Variants in LNPK observed in about 807,000 individuals in gnomAD.
The protein encoded by LNPK is endoplasmic reticulum junction formation protein lunapark.
In LNPK, 29 loss-of-function variants were observed where a neutral mutation model predicts 55.2. The observed-to-expected ratio is 0.53, with a 90% CI of 0.39 to 0.72. The LOEUF is 0.72. LNPK is among the 30% of genes least tolerant of loss of function. The pLI is 0.00. For synonymous variants in LNPK, 162 were observed against 168.2 expected, an observed-to-expected ratio of 0.96 and a Z score of 0.29; for missense variants, 467 against 494.8, an observed-to-expected ratio of 0.94 and a Z score of 0.53.
At chr2:175,933,688 A>T (rs891129916) in intron 12 of LNPK, among the ~76,000 whole-genome samples, 1 of 151,592 alleles carries the variant, frequency 6.6e-6, no homozygotes, top group African/African-American at 2.4e-5. Flanking sequence ...AATACCATTT[A>T]ATTATTTACC....
chr2:175,929,197 A>G lies in LNPK; in HGVS notation c.*770T>C, dbSNP rs187158949. On this transcript the variant is annotated 3_prime_UTR_variant, in exon 13 of 13. Coordinates refer to ENST00000272748, the MANE Select transcript of LNPK (RefSeq NM_030650.3). The stretch of plus-strand genomic sequence containing the variant: ...ATTCACTTATATATCATCATTTTAT[A>G]CTTATAAATAATGCTCAGAATTCAA... 6 of 958,650 alleles carry G rather than the reference A, an allele frequency of 6.3e-6. No individual in the cohort carries two copies. In the East Asian group the frequency reaches 6.9e-4, roughly 110 times the overall value. The allele number at this position is 958,650 out of a possible 1,614,324, so 59.4% of individuals were successfully genotyped here.
chr2:175,944,629 T>A (rs192026095), intron 9 of LNPK, among the ~76,000 whole-genome samples: 5 of 152,194 alleles, frequency 3.3e-5, no homozygotes, highest in African/African-American at 9.6e-5. Flanking sequence ...CATGGAGACT[T>A]CATAGAAGAC....
chr2:175,995,249 A>G (rs916663644), intron 2 of LNPK, among the ~76,000 whole-genome samples: 5 of 152,104 alleles, frequency 3.3e-5, no homozygotes, highest in Admixed American at 1.3e-4. Flanking sequence ...TACCTTTCAA[A>G]TAAGCTTGAA....
At chr2:175,941,904 C>G (rs1308049004) in intron 9 of LNPK, among the ~76,000 whole-genome samples, 2 of 146,322 alleles carry the variant, frequency 1.4e-5, no homozygotes, top group African/African-American at 5.0e-5. Context: ...CAGCAGACTT[C>G]TCATCAGAAA....
At chr2:175,932,068 G>T in intron 12 of LNPK, 1 of 400,418 alleles carries the variant, frequency 2.5e-6, no homozygotes, top group Non-Finnish European at 5.0e-6. Context: ...AAAAAGCTAA[G>T]AATCCAGGAT....
intron 9 of LNPK, among the ~76,000 whole-genome samples, chr2:175,940,541 G>C (rs915566509): frequency 6.6e-6 from 1 of 152,050 alleles, no homozygotes; most frequent in Admixed American, 6.6e-5. Flanking sequence ...CAGGCCATTA[G>C]GTAAAGTATT....
intron 5 of LNPK, among the ~76,000 whole-genome samples, chr2:175,976,779 C>T (rs1686931111): frequency 6.6e-6 from 1 of 152,204 alleles, no homozygotes; most frequent in Non-Finnish European, 1.5e-5. Context: ...CACTTACTGG[C>T]TCTCTTGGTT....
Position 175,942,181 on chromosome 2 carries a change from G to C in LNPK, c.707-2524C>G, listed in dbSNP as rs1574820305. Among the ~76,000 whole-genome samples the C allele has an allele frequency of 5.3e-5, 8 of 152,154 alleles. 1 individual carries two copies. In the South Asian group the frequency reaches 1.7e-3, roughly 32 times the overall value. Reference sequence around the variant, plus strand: ...AGTTATCATGTGGGTAAATATATAAGACTTTTTATTATTTAAATCACCTTA... The same window carrying C: ...AGTTATCATGTGGGTAAATATATAACACTTTTTATTATTTAAATCACCTTA... On this transcript the variant is annotated intron_variant, in intron 9 of 12. Coordinates refer to ENST00000272748, the MANE Select transcript of LNPK (RefSeq NM_030650.3).
Position 175,939,623 on chromosome 2 carries a change from A to T in LNPK, c.741T>A (p.Pro247=). The change falls in exon 10 of 13, where the codon CCT becomes CCA. Residue 247 remains proline (P), a synonymous_variant. Coordinates refer to ENST00000272748, the MANE Select transcript of LNPK (RefSeq NM_030650.3). ...AAGCACCTCGTTCTCGGGGGAGAAT[A>T]GGTCTTGCTAAAGGTGGACCTGGAG... is the stretch of plus-strand genomic sequence containing the variant. ...LHPPGPPLAR[P]ILPRERGALD... is the part of the protein sequence containing the mutation. The T allele has an allele frequency of 6.2e-7, 1 of 1,606,346 alleles. No individual in the cohort carries two copies. The highest frequency in any genetic ancestry group is 8.5e-7 in the Non-Finnish European group (1 of 1,173,878).
At chr2:175,969,182 G>C (rs1180794820) in intron 6 of LNPK, among the ~76,000 whole-genome samples, 1 of 152,156 alleles carries the variant, frequency 6.6e-6, no homozygotes, top group Admixed American at 6.6e-5. Context: ...AAGTGAATTA[G>C]AGCCAACATT....
In LNPK at chr2:175,928,160, A is replaced by G. The variant is rs573239202; in HGVS notation, c.*1807T>C. The G allele has an allele frequency of 6.6e-6, 1 of 152,300 alleles. No homozygotes were observed. Among genetic ancestry groups the G allele is most frequent in the East Asian group, 1.9e-4 (1 of 5,190 alleles). 9.4% of individuals were successfully genotyped at this position (152,300 alleles called of 1,614,324 possible). On this transcript the variant is annotated 3_prime_UTR_variant, in exon 13 of 13. Transcript: ENST00000272748. ...CATACAATATAGAAAAGTTGATGCA[A>G]AAAACATTGGCTTGAATCTGAGAAG...
At position 175,945,510 on chromosome 2, in the gene LNPK, G is replaced by GAAAA. The variant is rs758611547; in HGVS notation, c.706+1966_706+1969dup. The stretch of plus-strand genomic sequence containing the variant: ...AACAGAACAAGACTGTGTCTCAAAA[G>GAAAA]AAAAAAAAAAAAAAAAAAAAGATTC... On this transcript the variant is annotated intron_variant, in intron 9 of 12. Transcript: ENST00000272748. Among the ~76,000 whole-genome samples, 53 of 105,120 alleles carry GAAAA rather than the reference G, an allele frequency of 5.0e-4. 1 individual carries two copies. In the East Asian group the frequency reaches 0.018, roughly 36 times the overall value. The allele number at this position is 105,120 out of a possible 152,430, so 69.0% of individuals were successfully genotyped here.
intron 10 of LNPK, 61 bp downstream of exon 10, chr2:175,939,491 G>GTA: frequency 2.4e-6 from 2 of 820,434 alleles, no homozygotes; most frequent in Non-Finnish European, 4.1e-6. Context: ...CATCTAGTGT[G>GTA]TACACACACA....
chr2:175,947,407 T>C (rs1574829431), intron 9 of LNPK, 73 bp downstream of exon 9: 2 of 1,298,866 alleles, frequency 1.5e-6, no homozygotes, highest in East Asian at 4.6e-5. Context: ...CCATACCACC[T>C]GAAAATGGCC....
At chr2:175,995,523 G>A (rs1391686992) in intron 2 of LNPK, 35 bp downstream of exon 2, 1 of 1,547,118 alleles carries the variant, frequency 6.5e-7, no homozygotes, top group African/African-American at 1.4e-5. Context: ...TTTTATATTA[G>A]ACTCAAGAAC....
chr2:175,984,326 G>C (rs138243885), intron 4 of LNPK, among the ~76,000 whole-genome samples: 1 of 151,910 alleles, frequency 6.6e-6, no homozygotes, highest in Non-Finnish European at 1.5e-5. Flanking sequence ...TTACAGGCAC[G>C]CGTCACCATG....
At chr2:175,996,470 T>C (rs1216329594) in intron 1 of LNPK, among the ~76,000 whole-genome samples, 2 of 152,172 alleles carry the variant, frequency 1.3e-5, no homozygotes, top group Non-Finnish European at 2.9e-5. Context: ...CTTTAGCAAA[T>C]CACTTAATGA....
intron 1 of LNPK, among the ~76,000 whole-genome samples, chr2:175,999,559 G>A (rs1688084180): frequency 6.6e-6 from 1 of 152,112 alleles, no homozygotes; most frequent in Non-Finnish European, 1.5e-5. Flanking sequence ...CAAATACATG[G>A]AAAATACATG....
At chr2:175,956,156 C>T (rs1019904036) in intron 8 of LNPK, among the ~76,000 whole-genome samples, 9 of 151,294 alleles carry the variant, frequency 5.9e-5, no homozygotes, top group Admixed American at 5.3e-4. Context: ...GGTACATACT[C>T]GTAGTCCCAG....
Sources: allele counts gnomAD v4.1 joint callset (sites outside exome capture counted in the v4.1 genomes callset), GRCh38; gene constraint gnomAD v4.1.1; transcripts MANE v1.5; gene names NCBI Gene and HGNC (gene_info 2026-07-23, HGNC 2026-07-21).